SAFB2: variants seen among roughly 807,000 people sequenced by gnomAD.
SAFB2 encodes scaffold attachment factor B2.
Under a neutral mutation model 100.6 loss-of-function variants are expected in SAFB2, and 32 were observed. That is an observed-to-expected ratio of 0.32 (90% CI 0.24 to 0.43). The LOEUF (loss-of-function observed/expected upper bound fraction) is 0.43. Among genes scored for constraint, SAFB2 ranks in the 20% least tolerant of loss-of-function variants. SAFB2 has a pLI of 1.00. For missense variants in SAFB2, 1,185 were observed against 1,163.4 expected (o/e 1.02, Z -0.27); for synonymous variants, 500 against 439.4 (o/e 1.14, Z -1.72).
rs890132360 is a variant in SAFB2, at chr19:5,610,578, C to A, written c.1195+61G>T. 2.5e-6 allele frequency: 3 copies of A among 1,209,360 alleles called. No individual in the cohort carries two copies. The African/African-American group carries it at 4.5e-5, about 18-fold the overall frequency. The allele number at this position is 1,209,360 out of a possible 1,614,324, so 74.9% of individuals were successfully genotyped here. On this transcript the variant is annotated intron_variant, in intron 8 of 20. Coordinates refer to ENST00000252542, the MANE Select transcript of SAFB2 (RefSeq NM_014649.3). ...AATCCAAAGTGTGTATATCTCCAGG[C>A]CCCTCCTCCCAAAATAAGGGAACCA...
Position 5,592,871 on chromosome 19 carries a change from A to C in SAFB2, c.2224T>G (p.Trp742Gly). The C allele has an allele frequency of 1.2e-6, 2 of 1,614,126 alleles. No individual in the cohort carries two copies. Among genetic ancestry groups the C allele is most frequent in the Non-Finnish European group, 1.7e-6 (2 of 1,179,994 alleles). ...YDLDRRDDAY[W>G]PEGKRVAMED... ...ATTGCCACACGCTTTCCTTCTGGCC[A>C]ATAGGCATCATCTCGTCTGTTGGTT... The change falls in exon 16 of 21, where the codon TGG becomes GGG. Residue 742 changes from tryptophan to glycine, a missense_variant. Trp to Gly is a radical substitution (Grantham distance 184). Transcript: ENST00000252542.
Position 5,587,189 on chromosome 19 carries a change from G to A in SAFB2, c.*54C>T. On this transcript the variant is annotated 3_prime_UTR_variant, in exon 21 of 21. Transcript: ENST00000252542. This position sits in a 1 kb window ranked among gnomAD's most constrained non-coding sequence, Gnocchi z 4.9. ...ATCCCCCAAGTTCGAGGGAACCCTG[G>A]CTACCAGATTCAACAGTGCGTCTGC... is the stretch of plus-strand genomic sequence containing the variant. 1 of 1,588,432 alleles carries A rather than the reference G, an allele frequency of 6.3e-7. No individual in the cohort carries two copies. The highest frequency in any genetic ancestry group is 2.3e-5 in the East Asian group (1 of 44,192).
chr19:5,589,240 C>G (rs2052334456), intron 18 of SAFB2, among the ~76,000 whole-genome samples: 1 of 152,218 alleles, frequency 6.6e-6, no homozygotes, highest in African/African-American at 2.4e-5. Flanking sequence ...TACCATAACA[C>G]CCAGCAAGCG....
rs768006068 is a variant in SAFB2 at position 5,621,335 on chromosome 19, T to C, written c.248A>G (p.Lys83Arg). 4.3e-6 allele frequency: 7 copies of C among 1,613,586 alleles called. No individual in the cohort carries two copies. The highest frequency in any genetic ancestry group is 4.2e-6 in the Non-Finnish European group (5 of 1,179,474). ...TTTAACACATCTCTTGGCTGACTTC[T>C]TGCTGGTGGCTTCTAACTCGATGCC... is the stretch of plus-strand genomic sequence containing the variant. ...EIGIELEATSKKSAKRCVKGL... is the reference protein window; with the variant it reads ...EIGIELEATSRKSAKRCVKGL... Residue 83 changes from lysine to arginine, a missense_variant, in exon 2 of 21, where the codon AAG (lysine) becomes AGG (arginine). By Grantham distance (26) the Lys-to-Arg change is conservative. Around this residue, in one of 3 missense-constraint regions of SAFB2, gnomAD observed 351 missense variants for 341.2 expected, o/e 1.03. Transcript: ENST00000252542.
chr19:5,614,405 CTTT>C (rs1450383165), intron 4 of SAFB2, among the ~76,000 whole-genome samples: 12 of 152,190 alleles, frequency 7.9e-5, no homozygotes, highest in Admixed American at 7.9e-4. Flanking sequence ...CAAATATTTT[CTTT>C]TTTCCTTTTC....
chr19:5,620,246 G>A (rs2053113252), intron 2 of SAFB2, among the ~76,000 whole-genome samples: 1 of 152,140 alleles, frequency 6.6e-6, no homozygotes, highest in African/African-American at 2.4e-5. Flanking sequence ...AATGTGTTAT[G>A]AAACACATTA....
rs758651386 is a variant in SAFB2, at chr19:5,588,015, T to C, written c.2526-35A>G. 1.5e-5 allele frequency: 24 copies of C among 1,584,812 alleles called. No homozygotes were observed. The African/African-American group carries it at 3.0e-4, about 20-fold the overall frequency. ...AAGAAAAAGACATGCAGCCATCTAA[T>C]GAGCCTCCAGGGTTGTGTCGGCAGC... On this transcript the variant is annotated intron_variant, in intron 18 of 20. Coordinates refer to ENST00000252542, the MANE Select transcript of SAFB2 (RefSeq NM_014649.3).
At chr19:5,615,882 G>C (rs894152604) in intron 4 of SAFB2, among the ~76,000 whole-genome samples, 1 of 152,204 alleles carries the variant, frequency 6.6e-6, no homozygotes, top group African/African-American at 2.4e-5. Flanking sequence ...TTTTATGTCA[G>C]AGCTTTCTAT....
In SAFB2 at chr19:5,621,356, A is replaced by G. The variant is rs753305309; in HGVS notation, c.227T>C (p.Ile76Thr). The G allele has an allele frequency of 2.0e-5, 32 of 1,613,830 alleles. No homozygotes were observed. The highest frequency in any genetic ancestry group is 2.7e-5 in the Non-Finnish European group (32 of 1,179,808). The change falls in exon 2 of 21, where the codon ATC becomes ACC. Residue 76 changes from isoleucine to threonine, a missense_variant. Coordinates refer to ENST00000252542, the MANE Select transcript of SAFB2 (RefSeq NM_014649.3). Reference protein sequence around the residue: ...EEGQDPDEIGIELEATSKKSA... With the variant: ...EEGQDPDEIGTELEATSKKSA... ...CTTCTTGCTGGTGGCTTCTAACTCG[A>G]TGCCAATTTCATCAGGATCTTGCCC...
Position 5,611,857 on chromosome 19 carries a change from G to A in SAFB2, c.635-227C>T, listed in dbSNP as rs2052914726. On this transcript the variant is annotated intron_variant, in intron 6 of 20. Coordinates refer to ENST00000252542, the MANE Select transcript of SAFB2 (RefSeq NM_014649.3). Reference sequence around the variant, plus strand: ...ACACGGAAGAGAAAAGGCCCCCACAGATTTAAACACCTACAACCACGCGGC... The same window carrying A: ...ACACGGAAGAGAAAAGGCCCCCACAAATTTAAACACCTACAACCACGCGGC... 9.7e-6 allele frequency: 7 copies of A among 722,798 alleles called. No individual in the cohort carries two copies. The South Asian group carries it at 1.1e-4, about 11-fold the overall frequency. 44.8% of individuals were successfully genotyped at this position (722,798 alleles called of 1,614,324 possible). A position where few individuals can be genotyped will look rare whatever the true frequency, so the allele number is the denominator to read the frequency against.
intron 17 of SAFB2, 52 bp from the exon 18 acceptor site, chr19:5,590,460 C>T: frequency 2.0e-6 from 3 of 1,534,418 alleles, no homozygotes; most frequent in Non-Finnish European, 2.6e-6. Context: ...CCCACATAGG[C>T]CCACCTTCCG....
chr19:5,617,207 TG>T (rs1246211224), intron 2 of SAFB2, among the ~76,000 whole-genome samples: 1 of 152,204 alleles, frequency 6.6e-6, no homozygotes, highest in African/African-American at 2.4e-5. Context: ...GTTAGTGATT[TG>T]CTGGCTCTCC....
chr19:5,605,676 C>A (rs1056934643), intron 9 of SAFB2, among the ~76,000 whole-genome samples: 3 of 152,170 alleles, frequency 2.0e-5, no homozygotes, highest in Admixed American at 2.0e-4. Context: ...CCACTTCTGG[C>A]TGAGATGGGA....
intron 17 of SAFB2, chr19:5,591,252 A>C (rs2052393776): frequency 6.5e-6 from 1 of 154,050 alleles, no homozygotes; most frequent in Admixed American, 6.5e-5. Context: ...TGAGCATTAC[A>C]AAACAATCAA....
chr19:5,607,575 C>T (rs1414162509), intron 9 of SAFB2, among the ~76,000 whole-genome samples: 1 of 152,106 alleles, frequency 6.6e-6, no homozygotes, highest in East Asian at 1.9e-4. Flanking sequence ...AAAAAGGACT[C>T]GACCCACAAG....
rs988932701 is a variant in SAFB2 at position 5,601,537 on chromosome 19, C to T, written c.1560-1277G>A. Among the ~76,000 whole-genome samples, 8 of 152,082 alleles carry T rather than the reference C, an allele frequency of 5.3e-5. No homozygotes were observed. The East Asian group carries it at 1.2e-3, about 22-fold the overall frequency. Reference sequence around the variant, plus strand: ...CACCCTGGCCAACATTGTGAAACTCCGTCTCTACTAAAAATACAAAAAAAT... The same window carrying T: ...CACCCTGGCCAACATTGTGAAACTCTGTCTCTACTAAAAATACAAAAAAAT... On this transcript the variant is annotated intron_variant, in intron 11 of 20. Coordinates refer to ENST00000252542, the MANE Select transcript of SAFB2 (RefSeq NM_014649.3).
intron 18 of SAFB2, 132 bp from the exon 19 acceptor site, chr19:5,588,112 A>T: frequency 2.6e-6 from 2 of 760,316 alleles, no homozygotes; most frequent in South Asian, 1.9e-5. Context: ...TCAAGTGGGC[A>T]AATCAAGGGA....
Position 5,616,113 on chromosome 19 carries a change from G to A in SAFB2, c.543+19C>T, listed in dbSNP as rs145744480. On this transcript the variant is annotated intron_variant, in intron 4 of 20. Transcript: ENST00000252542. ...CTCGGGGCTATGGGCACATCCTGCC[G>A]TGTCTCCAAGTTACCTACAGCATGC... 2.3e-4 allele frequency: 366 copies of A among 1,612,542 alleles called. 2 individuals carry two copies. In the African/African-American group the frequency reaches 4.2e-3, roughly 19 times the overall value.
intron 8 of SAFB2, 195 bp downstream of exon 8, chr19:5,610,444 C>T: frequency 1.6e-6 from 1 of 613,372 alleles, no homozygotes; most frequent in South Asian, 2.0e-5. Context: ...CCATAGATGA[C>T]AACCACAAGA....
Sources: allele counts gnomAD v4.1 joint callset (sites outside exome capture counted in the v4.1 genomes callset), GRCh38; gene constraint gnomAD v4.1.1; regional missense constraint gnomAD v4.1.1; non-coding constraint Gnocchi (gnomAD v3.1); transcripts MANE v1.5; gene names NCBI Gene and HGNC (gene_info 2026-07-23, HGNC 2026-07-21).